The following SPOCK3 variants were observed in gnomAD, a reference collection of about 807,000 sequenced individuals.
SPOCK3 encodes testican-3.
SPOCK3 carries 30 observed loss-of-function variants against 56.6 expected under a neutral mutation model. The observed-to-expected ratio is 0.53, with a 90% CI of 0.40 to 0.72. SPOCK3 has a LOEUF of 0.72. Ranked by LOEUF, SPOCK3 falls within the 30% of genes least tolerant of loss-of-function variation. SPOCK3 has a pLI of 0.00. For synonymous variants in SPOCK3, 196 were observed against 183.3 expected (o/e 1.07, Z -0.56); for missense variants, 527 against 530.0 (o/e 0.99, Z 0.06).
At chr4:166,847,682 A>ATATATATATATATATAT (rs1560926835) in intron 6 of SPOCK3, among the ~76,000 whole-genome samples, 330 of 27,164 alleles carry the variant, frequency 0.012, 10 homozygotes, top group South Asian at 0.028. Flanking sequence ...TATATATATA[A>ATATATATATATATATAT]GAATCATGTT....
chr4:167,152,994 T>C (rs1054994836), intron 2 of SPOCK3, among the ~76,000 whole-genome samples: 1 of 152,222 alleles, frequency 6.6e-6, no homozygotes, highest in Non-Finnish European at 1.5e-5. Flanking sequence ...TCCAATCATA[T>C]CTATCATTTA....
chr4:167,076,834 A>G (rs1485197288), intron 2 of SPOCK3, among the ~76,000 whole-genome samples: 1 of 151,912 alleles, frequency 6.6e-6, no homozygotes, highest in Admixed American at 6.6e-5. Context: ...GAGCCATCAA[A>G]AGGTAAAAAT....
chr4:166,987,194 C>T (rs1156725990), intron 4 of SPOCK3, among the ~76,000 whole-genome samples: 2 of 152,154 alleles, frequency 1.3e-5, no homozygotes, highest in Non-Finnish European at 2.9e-5. Flanking sequence ...TATGACCACA[C>T]TGGCCATTTT....
chr4:167,136,164 CTGG>C (rs1207031785), intron 2 of SPOCK3, among the ~76,000 whole-genome samples: 1 of 152,138 alleles, frequency 6.6e-6, no homozygotes, highest in African/African-American at 2.4e-5. Flanking sequence ...GGTTCAGAAA[CTGG>C]TGGTGCAACC....
intron 2 of SPOCK3, among the ~76,000 whole-genome samples, chr4:167,128,048 T>A (rs1337715161): frequency 6.6e-6 from 1 of 152,130 alleles, no homozygotes; most frequent in Non-Finnish European, 1.5e-5. Context: ...CAATAATTAA[T>A]TACCTCTTTC....
intron 7 of SPOCK3, among the ~76,000 whole-genome samples, chr4:166,768,851 C>T (rs1331752429): frequency 1.3e-5 from 2 of 152,194 alleles, no homozygotes; most frequent in Admixed American, 1.3e-4. Context: ...GGTGTTTTCA[C>T]ATAGTCCCAT....
At position 167,226,152 on chromosome 4, in the gene SPOCK3, A is replaced by G. The variant is rs566657238; in HGVS notation, c.189+7833T>C. Among the ~76,000 whole-genome samples, 10 of 152,310 alleles carry G rather than the reference A, an allele frequency of 6.6e-5. No homozygotes were observed. In the East Asian group the frequency reaches 1.9e-3, roughly 29 times the overall value. On this transcript the variant is annotated intron_variant, in intron 2 of 10. Transcript: ENST00000357545. ...AGCTCAAAAAGATTTCACAGAAGTC[A>G]TGCTAAATGATTTCACTAAAGGAAA...
intron 2 of SPOCK3, among the ~76,000 whole-genome samples, chr4:167,171,785 G>T (rs1186914034): frequency 3.3e-5 from 5 of 151,694 alleles, no homozygotes; most frequent in African/African-American, 1.2e-4. Context: ...TGTCTTATTA[G>T]GCATCACTAT....
intron 4 of SPOCK3, among the ~76,000 whole-genome samples, chr4:166,986,150 T>C (rs1747134816): frequency 1.3e-5 from 2 of 152,206 alleles, no homozygotes; most frequent in East Asian, 1.9e-4. Flanking sequence ...AATTTTATCA[T>C]GTTTCACTTG....
intron 2 of SPOCK3, among the ~76,000 whole-genome samples, chr4:167,155,330 C>G (rs1047948920): frequency 6.6e-6 from 1 of 151,970 alleles, no homozygotes; most frequent in Non-Finnish European, 1.5e-5. Context: ...CTTGGACAGG[C>G]TGGTCTTGAA....
intron 2 of SPOCK3, among the ~76,000 whole-genome samples, chr4:167,208,670 G>A (rs1734580335): frequency 6.6e-6 from 1 of 151,764 alleles, no homozygotes; most frequent in Non-Finnish European, 1.5e-5. Context: ...ACCACCTGAT[G>A]ATAGTAAGCT....
intron 5 of SPOCK3, among the ~76,000 whole-genome samples, chr4:166,894,652 T>A (rs542930627): frequency 2.0e-5 from 3 of 152,248 alleles, no homozygotes; most frequent in Admixed American, 2.0e-4. Flanking sequence ...CCTTGTCATG[T>A]AGTCACGAAC....
At chr4:166,859,561 C>A (rs1470451782) in intron 6 of SPOCK3, among the ~76,000 whole-genome samples, 2 of 151,944 alleles carry the variant, frequency 1.3e-5, no homozygotes, top group Non-Finnish European at 2.9e-5. Flanking sequence ...ATTTTTAGTG[C>A]CAGAGCATTT....
At chr4:167,157,287 A>T (rs1203001179) in intron 2 of SPOCK3, among the ~76,000 whole-genome samples, 6 of 152,116 alleles carry the variant, frequency 3.9e-5, no homozygotes, top group Admixed American at 3.9e-4. Context: ...ACATGGTCTA[A>T]GTATAGTATT....
At chr4:167,109,229 T>C (rs1760590019) in intron 2 of SPOCK3, among the ~76,000 whole-genome samples, 1 of 88,010 alleles carries the variant, frequency 1.1e-5, no homozygotes, top group Admixed American at 2.1e-4. Context: ...TAGTATATAA[T>C]ATATATTTAA....
At chr4:166,789,500 A>C (rs1174080422) in intron 7 of SPOCK3, among the ~76,000 whole-genome samples, 1 of 152,164 alleles carries the variant, frequency 6.6e-6, no homozygotes, top group Non-Finnish European at 1.5e-5. Flanking sequence ...GTCATATTAA[A>C]AAATCAAAAC....
chr4:166,996,185 A>T (rs1267465960), intron 4 of SPOCK3, among the ~76,000 whole-genome samples: 1 of 152,106 alleles, frequency 6.6e-6, no homozygotes, highest in Non-Finnish European at 1.5e-5. Flanking sequence ...GCACTTCCTT[A>T]TTCTTTTTTT....
chr4:167,165,602 T>C (rs1765689810), intron 2 of SPOCK3, among the ~76,000 whole-genome samples: 1 of 152,134 alleles, frequency 6.6e-6, no homozygotes, highest in Non-Finnish European at 1.5e-5. Context: ...CTTTCAATGT[T>C]AAATTTGGTT....
intron 2 of SPOCK3, among the ~76,000 whole-genome samples, chr4:167,115,094 C>A (rs1159179512): frequency 6.6e-6 from 1 of 152,008 alleles, no homozygotes; most frequent in African/African-American, 2.4e-5. Flanking sequence ...ATATTGCGAA[C>A]AACTAACAGA....
Sources: gnomAD v4.1 joint callset for allele counts (sites outside exome capture counted in the v4.1 genomes callset) on GRCh38, gnomAD v4.1.1 for gene constraint, MANE v1.5 for transcripts, NCBI Gene and HGNC (gene_info 2026-07-23, HGNC 2026-07-21) for gene names.